Variants in NOS1AP observed in about 807,000 individuals in gnomAD.
NOS1AP encodes nitric oxide synthase 1 adaptor protein.
A neutral mutation model predicts 56.2 loss-of-function variants in NOS1AP; 21 were observed. The observed-to-expected ratio is 0.37, with a 90% CI of 0.26 to 0.54. The LOEUF (loss-of-function observed/expected upper bound fraction) is 0.54, where lower values mean the gene tolerates loss of function less well. NOS1AP is among the 20% of genes least tolerant of loss of function. The pLI is 0.84. For missense variants in NOS1AP, 522 were observed against 657.8 expected, an observed-to-expected ratio of 0.79 and a Z score of 2.26; for synonymous variants, 270 against 274.6, an observed-to-expected ratio of 0.98 and a Z score of 0.17.
intron 3 of NOS1AP, among the ~76,000 whole-genome samples, chr1:162,288,064 A>G (rs1655148851): frequency 6.6e-6 from 1 of 152,104 alleles, no homozygotes; most frequent in African/African-American, 2.4e-5. Context: ...ATGTTGTTTA[A>G]ACACTTGTCT....
chr1:162,348,775 T>C (rs112175204), intron 6 of NOS1AP, among the ~76,000 whole-genome samples: 1,721 of 152,000 alleles, frequency 0.011, 33 homozygotes, highest in African/African-American at 0.039. Flanking sequence ...AGAGGACCTG[T>C]GGGGTGATGG....
At chr1:162,347,032 A>G (rs990381101) in intron 6 of NOS1AP, among the ~76,000 whole-genome samples, 1 of 152,212 alleles carries the variant, frequency 6.6e-6, no homozygotes, top group Non-Finnish European at 1.5e-5. Flanking sequence ...AATATTTTAT[A>G]TATCTCTGCT....
At chr1:162,109,362 T>A (rs1021041069) in intron 1 of NOS1AP, among the ~76,000 whole-genome samples, 3 of 152,228 alleles carry the variant, frequency 2.0e-5, no homozygotes, top group African/African-American at 7.2e-5. Flanking sequence ...TTAGTTGTTT[T>A]CAGATGAGAT....
chr1:162,271,747 A>G (rs1654588268), intron 2 of NOS1AP, among the ~76,000 whole-genome samples: 2 of 149,336 alleles, frequency 1.3e-5, no homozygotes, highest in African/African-American at 2.5e-5. Context: ...GACTGGGTGG[A>G]TTAAACAACA....
chr1:162,234,523 A>C (rs1571148668), intron 2 of NOS1AP, among the ~76,000 whole-genome samples: 1 of 152,104 alleles, frequency 6.6e-6, no homozygotes, highest in African/African-American at 2.4e-5. Flanking sequence ...TCTTCTTCCC[A>C]AGTTGCCCAG....
chr1:162,315,625 C>T (rs2101772402), intron 4 of NOS1AP, among the ~76,000 whole-genome samples: 1 of 152,346 alleles, frequency 6.6e-6, no homozygotes, highest in East Asian at 1.9e-4. Flanking sequence ...CTGCAAGTCT[C>T]CACATCCTTT....
intron 1 of NOS1AP, among the ~76,000 whole-genome samples, chr1:162,116,948 A>G (rs532450423): frequency 6.6e-6 from 1 of 152,238 alleles, no homozygotes; most frequent in African/African-American, 2.4e-5. Context: ...GTACTCATAT[A>G]TTTCATCTGT....
chr1:162,210,521 A>G (rs1291884374), intron 2 of NOS1AP, among the ~76,000 whole-genome samples: 2 of 151,990 alleles, frequency 1.3e-5, no homozygotes, highest in Non-Finnish European at 1.5e-5. Flanking sequence ...CTGTCATATC[A>G]CCGAGCTCTC....
Position 162,069,852 on chromosome 1 carries a change from G to T in NOS1AP, c.-326G>T. Reference sequence around the variant, plus strand: ...GGCGCCGCGCCCAGTCCCGCTTCGGGCCGCAAGCCCCACCGCTCCCCTCCC... The same window carrying T: ...GGCGCCGCGCCCAGTCCCGCTTCGGTCCGCAAGCCCCACCGCTCCCCTCCC... On this transcript the variant is annotated 5_prime_UTR_variant, in exon 1 of 10. Transcript: ENST00000361897. The T allele has an allele frequency of 6.3e-6, 1 of 159,308 alleles. No homozygotes were observed. 9.9% of individuals were successfully genotyped at this position (159,308 alleles called of 1,614,324 possible).
chr1:162,356,746 C>T (rs1209869508), intron 7 of NOS1AP, among the ~76,000 whole-genome samples: 1 of 152,186 alleles, frequency 6.6e-6, no homozygotes, highest in Non-Finnish European at 1.5e-5. Context: ...CCCCCTAGTC[C>T]CCCTACGATT....
At chr1:162,309,394 A>G (rs527875182) in intron 4 of NOS1AP, among the ~76,000 whole-genome samples, 1 of 152,386 alleles carries the variant, frequency 6.6e-6, no homozygotes, top group East Asian at 1.9e-4. Context: ...TATTGCCTAC[A>G]AAGAAATAAT....
At position 162,367,267 on chromosome 1, in the gene NOS1AP, C is replaced by T. The variant is rs1297096595; in HGVS notation, c.1321C>T (p.Pro441Ser). Residue 441 changes from proline to serine, a missense_variant, in exon 10 of 10, where the codon CCC (proline) becomes TCC (serine). Pro to Ser is a moderately conservative substitution (Grantham distance 74, BLOSUM62 -1). Coordinates refer to ENST00000361897, the MANE Select transcript of NOS1AP (RefSeq NM_014697.3). This position sits in a 1 kb window ranked among gnomAD's most constrained non-coding sequence, Gnocchi z 6.5. ...FRFLPPEDTP[P>S]PAQGEALLGG... ...CTTTCTTCCGCCCGAGGACACCCCG[C>T]CCCCAGCGCAGGGCGAGGCGCTCCT... The T allele has an allele frequency of 1.2e-6, 2 of 1,613,496 alleles. No homozygotes were observed. Among genetic ancestry groups the T allele is most frequent in the Non-Finnish European group, 1.7e-6 (2 of 1,179,962 alleles).
chr1:162,308,230 A>G (rs551841525), intron 4 of NOS1AP, among the ~76,000 whole-genome samples: 67 of 152,340 alleles, frequency 4.4e-4, no homozygotes, highest in African/African-American at 1.6e-3. Context: ...CAGATTGCCT[A>G]TGTCAGAGCT....
intron 1 of NOS1AP, among the ~76,000 whole-genome samples, chr1:162,103,777 G>T (rs866896852): frequency 6.6e-6 from 1 of 151,950 alleles, no homozygotes; most frequent in Admixed American, 6.6e-5. Context: ...TTTTCCATTT[G>T]CTTGGTAAAT....
chr1:162,127,959 T>A (rs867059014), intron 1 of NOS1AP, among the ~76,000 whole-genome samples: 5 of 152,202 alleles, frequency 3.3e-5, no homozygotes, highest in African/African-American at 1.2e-4. Context: ...AATGATGATT[T>A]GCTTATGTTT....
intron 6 of NOS1AP, among the ~76,000 whole-genome samples, chr1:162,352,696 A>G (rs1057191530): frequency 6.6e-6 from 1 of 151,798 alleles, no homozygotes; most frequent in African/African-American, 2.4e-5. Flanking sequence ...GTGGAAAGAG[A>G]GGGATCTCCT....
At chr1:162,214,322 C>T (rs916102398) in intron 2 of NOS1AP, among the ~76,000 whole-genome samples, 1 of 152,164 alleles carries the variant, frequency 6.6e-6, no homozygotes, top group South Asian at 2.1e-4. Context: ...ATTGTTTACT[C>T]TTTGCCCAGC....
At chr1:162,128,335 G>A (rs1571039780) in intron 1 of NOS1AP, among the ~76,000 whole-genome samples, 1 of 152,094 alleles carries the variant, frequency 6.6e-6, no homozygotes, top group South Asian at 2.1e-4. Context: ...ATGCACTTGG[G>A]TTTTTAAAAA....
intron 2 of NOS1AP, among the ~76,000 whole-genome samples, chr1:162,241,746 G>T (rs1159696205): frequency 3.3e-5 from 5 of 152,092 alleles, no homozygotes; most frequent in Non-Finnish European, 5.9e-5. Context: ...TCCAAGGATT[G>T]ACTCAGCAGA....
Sources: gnomAD v4.1 joint callset for allele counts (sites outside exome capture counted in the v4.1 genomes callset) on GRCh38, gnomAD v4.1.1 for gene constraint, Gnocchi (gnomAD v3.1) non-coding constraint, MANE v1.5 for transcripts, NCBI Gene and HGNC (gene_info 2026-07-23, HGNC 2026-07-21) for gene names.